Variants in SPECC1 observed in about 807,000 individuals in gnomAD.
The protein encoded by SPECC1 is cytospin-B.
In SPECC1, 62 loss-of-function variants were observed where a neutral mutation model predicts 104.1. The ratio of observed to expected loss-of-function variants is 0.60; its 90% CI spans 0.49 to 0.74. The LOEUF is 0.74. SPECC1 is among the 30% of genes least tolerant of loss of function. The probability of loss-of-function intolerance (pLI) is 0.00; values close to 1 mark genes in which losing one functional copy is unlikely to be tolerated. For missense variants in SPECC1, 1,306 were observed against 1,310.5 expected (o/e 1.00, Z 0.05); for synonymous variants, 513 against 501.6 (o/e 1.02, Z -0.30).
intron 3 of SPECC1, among the ~76,000 whole-genome samples, chr17:20,174,830 T>TC (rs2034353951): frequency 6.6e-6 from 1 of 152,108 alleles, no homozygotes; most frequent in Admixed American, 6.6e-5. Flanking sequence ...CTCATTTTCT[T>TC]CCGCTCCTTG....
In SPECC1 at chr17:20,231,955, G is replaced by C. The variant is rs2038609007; in HGVS notation, c.2145+124G>C. ...CCACGGCATGGTGGGCCCTGGAACT[G>C]TAAATTCTTGTTGGCAGGAAGTAAA... On this transcript the variant is annotated intron_variant, in intron 6 of 14. Coordinates refer to ENST00000395527, the MANE Select transcript of SPECC1 (RefSeq NM_001243439.2). The C allele has an allele frequency of 2.8e-6, 3 of 1,056,898 alleles. No individual in the cohort carries two copies. In the Admixed American group the frequency reaches 6.8e-5, roughly 24 times the overall value. The allele number at this position is 1,056,898 out of a possible 1,614,324, so 65.5% of individuals were successfully genotyped here. A position where few individuals can be genotyped will look rare whatever the true frequency, so the allele number is the denominator to read the frequency against.
chr17:20,232,429 C>T (rs749723575), intron 7 of SPECC1, 24 bp downstream of exon 7: 11 of 1,581,038 alleles, frequency 7.0e-6, no homozygotes, highest in South Asian at 2.3e-5. Flanking sequence ...GCACCAGGGC[C>T]GTGCTTGCTT....
At chr17:20,256,699 G>T (rs966041369) in intron 10 of SPECC1, among the ~76,000 whole-genome samples, 1 of 152,064 alleles carries the variant, frequency 6.6e-6, no homozygotes, top group Non-Finnish European at 1.5e-5. Flanking sequence ...CTCCTGTTCC[G>T]CACTTTTATG....
chr17:20,226,572 C>T (rs975115110), intron 4 of SPECC1, among the ~76,000 whole-genome samples: 1 of 152,118 alleles, frequency 6.6e-6, no homozygotes, highest in Non-Finnish European at 1.5e-5. Flanking sequence ...TTAAAAAATT[C>T]TTATTAAAGT....
chr17:20,145,891 A>G (rs2031405012), intron 3 of SPECC1, among the ~76,000 whole-genome samples: 1 of 152,196 alleles, frequency 6.6e-6, no homozygotes, highest in African/African-American at 2.4e-5. Flanking sequence ...TGGATCAGGA[A>G]TGTTTAAAAA....
intron 13 of SPECC1, among the ~76,000 whole-genome samples, chr17:20,301,026 C>G (rs930048978): frequency 2.6e-5 from 4 of 152,148 alleles, no homozygotes; most frequent in Non-Finnish European, 4.4e-5. Flanking sequence ...TTCCTAAATG[C>G]CCCATCCTGG....
intron 1 of SPECC1, among the ~76,000 whole-genome samples, chr17:20,022,448 T>C (rs1267515842): frequency 1.3e-5 from 2 of 152,200 alleles, no homozygotes; most frequent in Non-Finnish European, 2.9e-5. Flanking sequence ...TCTCCTAATA[T>C]GTTATACGTC....
chr17:20,117,411 A>G (rs1474802326), intron 3 of SPECC1, among the ~76,000 whole-genome samples: 1 of 152,144 alleles, frequency 6.6e-6, no homozygotes, highest in Non-Finnish European at 1.5e-5. Context: ...AATATAAGAA[A>G]CTTCTTTGCA....
At chr17:20,256,881 G>A (rs2039852193) in intron 10 of SPECC1, among the ~76,000 whole-genome samples, 1 of 152,166 alleles carries the variant, frequency 6.6e-6, no homozygotes, top group Non-Finnish European at 1.5e-5. Context: ...ATCATCTGGA[G>A]GATTCAGTTC....
chr17:20,142,761 T>C, intron 3 of SPECC1, among the ~76,000 whole-genome samples: 1 of 151,754 alleles, frequency 6.6e-6, no homozygotes, highest in East Asian at 1.9e-4. Context: ...ACTTAACACC[T>C]CTGGACTGTA....
At chr17:20,258,549 A>C (rs989568000) in intron 11 of SPECC1, among the ~76,000 whole-genome samples, 6 of 151,682 alleles carry the variant, frequency 4.0e-5, no homozygotes, top group African/African-American at 1.5e-4. Flanking sequence ...TGTCATCTGC[A>C]CTCCTCATCC....
chr17:20,166,180 G>A (rs751343858), intron 3 of SPECC1, among the ~76,000 whole-genome samples: 9 of 152,166 alleles, frequency 5.9e-5, no homozygotes, highest in Non-Finnish European at 1.0e-4. Context: ...ATAAAAAGTA[G>A]CAGTTACAAA....
chr17:20,045,680 A>T (rs369021950), intron 1 of SPECC1, among the ~76,000 whole-genome samples: 1 of 152,214 alleles, frequency 6.6e-6, no homozygotes, highest in Non-Finnish European at 1.5e-5. Context: ...AAGTTGGTAC[A>T]TCCTAGCTCT....
rs180902245 is a variant in SPECC1, at chr17:20,308,886, T to C, written c.3117+2804T>C. 1.2e-3 allele frequency among the ~76,000 whole-genome samples: 186 copies of C among 152,386 alleles called. 1 individual carries two copies. Among genetic ancestry groups the C allele is most frequent in the Non-Finnish European group, 2.3e-3 (154 of 68,034 alleles). On this transcript the variant is annotated intron_variant, in intron 14 of 14. Coordinates refer to ENST00000395527, the MANE Select transcript of SPECC1 (RefSeq NM_001243439.2). ...ACAATGAGACCTTGTTGGAAGATTA[T>C]ATTTTACACAGAATACATTTTTCTT...
intron 1 of SPECC1, among the ~76,000 whole-genome samples, chr17:20,062,354 A>G (rs939222591): frequency 6.6e-6 from 1 of 152,130 alleles, no homozygotes; most frequent in African/African-American, 2.4e-5. Context: ...TCCATCCAAA[A>G]AATTTCAGGT....
chr17:20,076,960 G>T (rs2046784671), intron 1 of SPECC1, among the ~76,000 whole-genome samples: 1 of 152,170 alleles, frequency 6.6e-6, no homozygotes, highest in African/African-American at 2.4e-5. Context: ...TTTTTTACAT[G>T]CTTGTTTACA....
chr17:20,227,732 A>G lies in SPECC1; in HGVS notation c.2071+112A>G, dbSNP rs144411265. 1,766 of 960,396 alleles carry G rather than the reference A, an allele frequency of 1.8e-3. 9 individuals are homozygous for G. Among genetic ancestry groups the G allele is most frequent in the Non-Finnish European group, 1.7e-3 (1,110 of 642,570 alleles). The allele number at this position is 960,396 out of a possible 1,614,324, so 59.5% of individuals were successfully genotyped here. ...AAGTTCGAGACCCAGCCTGACCAAC[A>G]TGGTGAAACCCTGTCTCTACTAAAA... On this transcript the variant is annotated intron_variant, in intron 5 of 14. Coordinates refer to ENST00000395527, the MANE Select transcript of SPECC1 (RefSeq NM_001243439.2).
chr17:20,112,546 G>A, intron 3 of SPECC1: 1 of 780,900 alleles, frequency 1.3e-6, no homozygotes, highest in South Asian at 1.4e-5. Flanking sequence ...ACTTCAAAAT[G>A]GCCAGTTTAA....
chr17:20,238,851 A>G (rs2039061192), intron 7 of SPECC1: 2 of 1,045,082 alleles, frequency 1.9e-6, no homozygotes. Flanking sequence ...TTTATCTGTA[A>G]GCATTTATGA....
Sources: allele counts gnomAD v4.1 joint callset (sites outside exome capture counted in the v4.1 genomes callset), GRCh38; gene constraint gnomAD v4.1.1; transcripts MANE v1.5; gene names NCBI Gene and HGNC (gene_info 2026-07-23, HGNC 2026-07-21).